ZNF442: variants seen among roughly 807,000 people sequenced by gnomAD.
ZNF442 encodes the protein zinc finger protein 442.
In ZNF442, 45 loss-of-function variants were observed where a neutral mutation model predicts 57.0. That is an observed-to-expected ratio of 0.79 (90% CI 0.62 to 1.01). The LOEUF (loss-of-function observed/expected upper bound fraction) is 1.01, where lower values mean the gene tolerates loss of function less well. Ranked by LOEUF, ZNF442 falls within the 50% of genes least tolerant of loss-of-function variation. The pLI is 0.00. For synonymous variants in ZNF442, 213 were observed against 241.8 expected (o/e 0.88, Z 1.10); for missense variants, 690 against 756.5 (o/e 0.91, Z 1.03).
chr19:12,353,239 C>G, intron 3 of ZNF442, 125 bp from the exon 4 acceptor site: 1 of 1,022,580 alleles, frequency 9.8e-7, no homozygotes, highest in Non-Finnish European at 1.4e-6. Context: ...GTAAATCCAC[C>G]CTTATTCTCT....
chr19:12,354,489 A>G (rs1315717342), intron 3 of ZNF442, among the ~76,000 whole-genome samples: 1 of 152,266 alleles, frequency 6.6e-6, no homozygotes, highest in East Asian at 1.9e-4. Context: ...CCCAAAACTA[A>G]CAGAAGTCAC....
At chr19:12,373,019 G>A in the ZNF442 span, among the ~76,000 whole-genome samples, 67 of 152,234 alleles carry the variant, frequency 4.4e-4, no homozygotes, top group Middle Eastern at 0.01. Flanking sequence ...TGATCTGCCC[G>A]CCTTGGCCTC....
chr19:12,370,752 A>G (rs1340811739), upstream of ZNF442, among the ~76,000 whole-genome samples: 2 of 152,050 alleles, frequency 1.3e-5, no homozygotes, highest in Non-Finnish European at 2.9e-5. Flanking sequence ...AGGCAGGTGA[A>G]TCACGAGGTC....
chr19:12,351,671 A>C, intron 5 of ZNF442: 3 of 302,006 alleles, frequency 9.9e-6, no homozygotes, highest in East Asian at 7.1e-5. Flanking sequence ...ACGCCCAGCT[A>C]ATTTTTGTAT....
the ZNF442 span, chr19:12,373,603 G>C: frequency 4.5e-6 from 1 of 224,662 alleles, no homozygotes; most frequent in South Asian, 6.3e-5. Context: ...CTGTACTGGA[G>C]ACACCGGTTC....
chr19:12,360,982 G>A (rs1969415918), intron 3 of ZNF442, among the ~76,000 whole-genome samples: 1 of 152,130 alleles, frequency 6.6e-6, no homozygotes. Flanking sequence ...ATTTGAGGTT[G>A]GGAGTTCAAG....
Position 12,350,692 on chromosome 19 carries a change from C to T in ZNF442, c.893G>A (p.Cys298Tyr). 2 of 1,613,922 alleles carry T rather than the reference C, an allele frequency of 1.2e-6. No individual in the cohort carries two copies. Among genetic ancestry groups the T allele is most frequent in the South Asian group, 1.1e-5 (1 of 91,032 alleles). The change falls in exon 6 of 6, where the codon TGT (cysteine) becomes TAT (tyrosine). Residue 298 changes from cysteine (C) to tyrosine (Y), a missense_variant. Coordinates refer to ENST00000242804, the MANE Select transcript of ZNF442 (RefSeq NM_030824.3). The part of the protein sequence containing the change: ...TGEKPYKCKR[C>Y]GRAFSVSSSL... ...ACTGGAAACACTGAAGGCTCTTCCA[C>T]ATCGTTTACATTTATAGGGTTTTTC...
rs761863288 is a variant in ZNF442 at position 12,349,656 on chromosome 19, TC to T, written c.*44del. 7.4e-5 allele frequency: 114 copies of T among 1,541,594 alleles called. No individual in the cohort carries two copies. Among genetic ancestry groups the T allele is most frequent in the Non-Finnish European group, 9.1e-5 (104 of 1,145,506 alleles). On this transcript the variant is annotated 3_prime_UTR_variant, in exon 6 of 6. Coordinates refer to ENST00000242804, the MANE Select transcript of ZNF442 (RefSeq NM_030824.3). ...AGGCTTATCTCCTATGTGATTTCTT[TC>T]ACGTTTCTGAAATGAAATAAAATTA...
intron 3 of ZNF442, among the ~76,000 whole-genome samples, chr19:12,356,325 A>G (rs1461353732): frequency 1.3e-5 from 2 of 152,130 alleles, no homozygotes; most frequent in Non-Finnish European, 2.9e-5. Flanking sequence ...TATGTACAGT[A>G]TGCTTAAAAA....
upstream of ZNF442, among the ~76,000 whole-genome samples, chr19:12,367,454 C>G (rs1427065908): frequency 6.6e-6 from 1 of 152,164 alleles, no homozygotes; most frequent in Non-Finnish European, 1.5e-5. Context: ...TGATAAACAT[C>G]TTAACAGGAA....
the ZNF442 span, among the ~76,000 whole-genome samples, chr19:12,371,192 A>C: frequency 6.6e-6 from 1 of 152,168 alleles, no homozygotes; most frequent in Non-Finnish European, 1.5e-5. Flanking sequence ...AACTTGTGAT[A>C]ATTGTAGTGT....
In ZNF442 at chr19:12,350,181, G is replaced by A. The variant is rs757521861; in HGVS notation, c.1404C>T (p.Ala468=). Residue 468 remains alanine (A), a synonymous_variant, in exon 6 of 6, where the codon GCC becomes GCT. Transcript: ENST00000242804. The stretch of plus-strand genomic sequence containing the variant: ...TTTGAAAGGAATAGAAATCAATAAA[G>A]GCTTTCCCACATTTACATTTATAGG... ...EKPYKCKCGK[A]FIDFYSFQNH... 30 of 1,613,790 alleles carry A rather than the reference G, an allele frequency of 1.9e-5. No homozygotes were observed. In the Admixed American group the frequency reaches 3.0e-4, roughly 16 times the overall value.
At position 12,351,418 on chromosome 19, in the gene ZNF442, T is replaced by A. The variant is rs554792146; in HGVS notation, c.267-100A>T. The A allele has an allele frequency of 3.9e-5, 43 of 1,114,838 alleles. 1 individual carries two copies. The South Asian group carries it at 6.4e-4, about 17-fold the overall frequency. The allele number at this position is 1,114,838 out of a possible 1,614,324, so 69.1% of individuals were successfully genotyped here. ...TACATTTTTACATCATCATGCAACG[T>A]GTAGGCTTCATGCACTGCTTGAACG... On this transcript the variant is annotated intron_variant, in intron 5 of 5. Coordinates refer to ENST00000242804, the MANE Select transcript of ZNF442 (RefSeq NM_030824.3).
intron 3 of ZNF442, among the ~76,000 whole-genome samples, chr19:12,355,534 T>G (rs1054174337): frequency 2.7e-5 from 4 of 150,564 alleles, no homozygotes; most frequent in Non-Finnish European, 4.4e-5. Context: ...CTAATTTTTG[T>G]ATTTTTAGTA....
intron 3 of ZNF442, among the ~76,000 whole-genome samples, chr19:12,363,286 T>C (rs1969469928): frequency 6.6e-6 from 1 of 152,114 alleles, no homozygotes; most frequent in South Asian, 2.1e-4. Flanking sequence ...TAATAAAACG[T>C]TGAAGCTGAA....
chr19:12,373,528 T>A, the ZNF442 span: 2 of 154,196 alleles, frequency 1.3e-5, no homozygotes, highest in African/African-American at 4.8e-5. Context: ...GGTGACAAAG[T>A]AAGACTCTGT....
At chr19:12,370,629 C>A (rs1484455888), upstream of ZNF442, among the ~76,000 whole-genome samples, 1 of 151,992 alleles carries the variant, frequency 6.6e-6, no homozygotes, top group Non-Finnish European at 1.5e-5. Context: ...AGTAAGCTAG[C>A]ATACCTAAAG....
intron 3 of ZNF442, among the ~76,000 whole-genome samples, chr19:12,358,526 T>C (rs1268125022): frequency 2.0e-5 from 3 of 152,240 alleles, no homozygotes; most frequent in Non-Finnish European, 4.4e-5. Context: ...GGTGTACTGA[T>C]TTCTTTTCCT....
chr19:12,356,636 A>AAGAAAAAAAAAG (rs1969334679), intron 3 of ZNF442, among the ~76,000 whole-genome samples: 1 of 151,664 alleles, frequency 6.6e-6, no homozygotes, highest in African/African-American at 2.4e-5. Flanking sequence ...TCAAAAAAAA[A>AAGAAAAAAAAAG]AGAGAGAGAG....
Sources: gnomAD v4.1 joint callset for allele counts (sites outside exome capture counted in the v4.1 genomes callset) on GRCh38, gnomAD v4.1.1 for gene constraint, MANE v1.5 for transcripts, NCBI Gene and HGNC (gene_info 2026-07-23, HGNC 2026-07-21) for gene names.